PPID: variants seen among roughly 807,000 people sequenced by gnomAD.
The protein encoded by PPID is peptidylprolyl isomerase D.
Under a neutral mutation model 48.1 loss-of-function variants are expected in PPID, and 47 were observed. The ratio of observed to expected loss-of-function variants is 0.98; its 90% CI spans 0.77 to 1.25. PPID has a LOEUF of 1.25. Ranked by LOEUF, PPID falls within the 50% of genes most tolerant of loss-of-function variation. The pLI, the probability that PPID is intolerant of heterozygous loss-of-function variation, is 0.00. For synonymous variants in PPID, 163 were observed against 148.8 expected (o/e 1.10, Z -0.69); for missense variants, 429 against 443.5 (o/e 0.97, Z 0.29).
intron 9 of PPID, chr4:158,710,190 A>C (rs1254472009): frequency 3.0e-6 from 1 of 331,876 alleles, no homozygotes; most frequent in African/African-American, 2.2e-5. Flanking sequence ...ATAGTTTCCT[A>C]AAACATATAA....
At chr4:158,721,511 T>C (rs772254647) in intron 1 of PPID, 28 bp from the exon 2 acceptor site, 19 of 1,606,886 alleles carry the variant, frequency 1.2e-5, no homozygotes, top group Admixed American at 8.4e-5. Context: ...CTTGTCAGTA[T>C]GCAAAACAAC....
intron 6 of PPID, 98 bp from the exon 7 acceptor site, chr4:158,713,358 G>T: frequency 8.5e-7 from 1 of 1,174,500 alleles, no homozygotes; most frequent in Non-Finnish European, 1.1e-6. Flanking sequence ...GATATAAAAA[G>T]CTCTAAAAAT....
intron 7 of PPID, among the ~76,000 whole-genome samples, chr4:158,712,468 C>A (rs1290968552): frequency 6.6e-6 from 1 of 152,108 alleles, no homozygotes; most frequent in African/African-American, 2.4e-5. Flanking sequence ...TTATATAACT[C>A]TCTATAACTA....
At chr4:158,712,992 C>T in intron 7 of PPID, 127 bp downstream of exon 7, 1 of 993,660 alleles carries the variant, frequency 1.0e-6, no homozygotes, top group Non-Finnish European at 1.5e-6. Flanking sequence ...TATTTAGAAA[C>T]AAAATGTTTT....
chr4:158,712,348 C>A (rs898339309), intron 7 of PPID, among the ~76,000 whole-genome samples: 3 of 152,282 alleles, frequency 2.0e-5, no homozygotes, highest in Non-Finnish European at 2.9e-5. Flanking sequence ...CCCTCCTATC[C>A]TGAATCACTT....
Position 158,717,150 on chromosome 4 carries a change from G to GGGCCGGGCGCGGTGGCTCACGCC in PPID, c.383_384insGGCGTGAGCCACCGCGCCCGGCC (p.Asn128LysfsTer3), listed in dbSNP as rs1774885646. On this transcript the variant is annotated stop_gained and frameshift_variant, in exon 4 of 10. Coordinates refer to ENST00000307720, the MANE Select transcript of PPID (RefSeq NM_005038.3). LOFTEE classifies it high-confidence loss of function. ...CTGTTGTGATAAAAAACTGAGAACCGTTTGTGTTGCGGCCTGCATTTGCCA... is the reference window on the plus strand; with the variant it reads ...CTGTTGTGATAAAAAACTGAGAACCGGGCCGGGCGCGGTGGCTCACGCCTTTGTGTTGCGGCCTGCATTTGCCA... The GGGCCGGGCGCGGTGGCTCACGCC allele has an allele frequency of 6.2e-7, 1 of 1,613,934 alleles. No individual in the cohort carries two copies. Among genetic ancestry groups the GGGCCGGGCGCGGTGGCTCACGCC allele is most frequent in the Non-Finnish European group, 8.5e-7 (1 of 1,179,998 alleles).
rs1248599963 is a variant in PPID, at chr4:158,709,658, A to G, written c.*78T>C. Reference sequence around the variant, plus strand: ...TGTCAAAAGAAACACATTAGGGATCATATTCATAGACAAAAACCTTTACAT... The same window carrying G: ...TGTCAAAAGAAACACATTAGGGATCGTATTCATAGACAAAAACCTTTACAT... On this transcript the variant is annotated 3_prime_UTR_variant, in exon 10 of 10. Coordinates refer to ENST00000307720, the MANE Select transcript of PPID (RefSeq NM_005038.3). 1.5e-5 allele frequency: 16 copies of G among 1,079,364 alleles called. No homozygotes were observed. Among genetic ancestry groups the G allele is most frequent in the Admixed American group, 2.1e-5 (1 of 47,922 alleles). The allele number at this position is 1,079,364 out of a possible 1,614,324, so 66.9% of individuals were successfully genotyped here. A position where few individuals can be genotyped will look rare whatever the true frequency, so the allele number is the denominator to read the frequency against.
At chr4:158,710,409 A>G in intron 9 of PPID, 8 of 601,290 alleles carry the variant, frequency 1.3e-5, no homozygotes, top group Non-Finnish European at 2.4e-5. Context: ...ATAACGTGAA[A>G]AACTACTATA....
At chr4:158,721,026 T>C (rs1774950868) in intron 2 of PPID, among the ~76,000 whole-genome samples, 1 of 152,220 alleles carries the variant, frequency 6.6e-6, no homozygotes, top group African/African-American at 2.4e-5. Context: ...TGCATAACTT[T>C]TTTGTCACCA....
Position 158,715,634 on chromosome 4 carries a change from T to TCC in PPID, c.571_572dup (p.Ile192GlufsTer21). 6 of 1,611,006 alleles carry TCC rather than the reference T, an allele frequency of 3.7e-6. No individual in the cohort carries two copies. Among genetic ancestry groups the TCC allele is most frequent in the Non-Finnish European group, 5.1e-6 (6 of 1,177,156 alleles). On this transcript the variant is annotated frameshift_variant, in exon 5 of 10. Transcript: ENST00000307720. LOFTEE classifies it high-confidence loss of function. ...CGCCAGAGCCATCTTTTGGGAATAT[T>TCC]CCCCCGTCATCTCCTTCCTTCAATT...
At chr4:158,711,799 T>G (rs868772529) in intron 7 of PPID, among the ~76,000 whole-genome samples, 1 of 151,932 alleles carries the variant, frequency 6.6e-6, no homozygotes, top group African/African-American at 2.4e-5. Flanking sequence ...AAAACCCATC[T>G]CTACAAAAAA....
At position 158,719,276 on chromosome 4, in the gene PPID, T is replaced by C. The variant is rs2230221; in HGVS notation, c.237A>G (p.Lys79=). Residue 79 remains lysine (K), a synonymous_variant, in exon 3 of 10, where the codon AAA becomes AAG. Coordinates refer to ENST00000307720, the MANE Select transcript of PPID (RefSeq NM_005038.3). ...AGAAGTCTCCACCCTGAATCATAAA[T>C]TTCTTAATAACTACAAAAAAGGAAA... ...KGCPFHRIIK[K]FMIQGGDFSN... is the part of the protein sequence containing the mutation. 0.035 allele frequency: 55,416 copies of C among 1,602,474 alleles called. 1,359 individuals are homozygous for C. The highest frequency in any genetic ancestry group is 0.12 in the African/African-American group (9,286 of 74,666).
intron 6 of PPID, among the ~76,000 whole-genome samples, chr4:158,713,695 A>G (rs1307796970): frequency 6.6e-6 from 1 of 152,184 alleles, no homozygotes; most frequent in African/African-American, 2.4e-5. Flanking sequence ...TTTGGTTTCT[A>G]AAGTTTTCTT....
chr4:158,719,291 A>G lies in PPID; in HGVS notation c.227-5T>C, dbSNP rs1355858416. On this transcript the variant is annotated splice_polypyrimidine_tract_variant and splice_region_variant and intron_variant, in intron 2 of 9. Coordinates refer to ENST00000307720, the MANE Select transcript of PPID (RefSeq NM_005038.3). ...GAATCATAAATTTCTTAATAACTAC[A>G]AAAAAGGAAAATGGCTATTAGTGAC... is the stretch of plus-strand genomic sequence containing the variant. The G allele has an allele frequency of 3.2e-6, 5 of 1,559,710 alleles. No individual in the cohort carries two copies. Among genetic ancestry groups the G allele is most frequent in the Admixed American group, 1.7e-5 (1 of 59,744 alleles).
intron 1 of PPID, 67 bp downstream of exon 1, chr4:158,723,137 G>T: frequency 6.8e-7 from 1 of 1,475,160 alleles, no homozygotes. Context: ...TCCGCCCTTG[G>T]AATCCCCCAA....
intron 1 of PPID, 59 bp from the exon 2 acceptor site, chr4:158,721,542 A>G (rs923908630): frequency 6.4e-7 from 1 of 1,560,092 alleles, no homozygotes; most frequent in Non-Finnish European, 8.7e-7. Flanking sequence ...AATGATAAAA[A>G]GAAGGTTGGT....
In PPID at chr4:158,717,080, C is replaced by T; in HGVS notation, c.454G>A (p.Val152Ile). 1 of 1,614,160 alleles carries T rather than the reference C, an allele frequency of 6.2e-7. No individual in the cohort carries two copies. The highest frequency in any genetic ancestry group is 8.5e-7 in the Non-Finnish European group (1 of 1,179,986). Residue 152 changes from valine (V) to isoleucine (I), a missense_variant, in exon 4 of 10, where the codon GTA (valine) becomes ATA (isoleucine). Val to Ile is a conservative substitution (Grantham distance 29). Transcript: ENST00000307720. ...LDGKHVVFGQ[V>I]IKGIGVARIL... is the part of the protein sequence containing the mutation. The stretch of plus-strand genomic sequence containing the variant: ...CTTGCCACTCCTATTCCTTTAATTA[C>T]TTGGCCAAACACCACATGTTTCCCA...
At chr4:158,719,398 T>A (rs2126337945) in intron 2 of PPID, 112 bp from the exon 3 acceptor site, 3 of 703,268 alleles carry the variant, frequency 4.3e-6, no homozygotes, top group African/African-American at 1.8e-5. Context: ...TAGTCATGTC[T>A]CTCTCCTGTT....
intron 7 of PPID, among the ~76,000 whole-genome samples, chr4:158,711,425 T>A (rs577509354): frequency 1.1e-4 from 16 of 151,498 alleles, no homozygotes; most frequent in Admixed American, 7.9e-4. Flanking sequence ...GGTTTCACCA[T>A]GTTGCCCAGG....
Sources: gnomAD v4.1 joint callset for allele counts (sites outside exome capture counted in the v4.1 genomes callset) on GRCh38, gnomAD v4.1.1 for gene constraint, MANE v1.5 for transcripts, NCBI Gene and HGNC (gene_info 2026-07-23, HGNC 2026-07-21) for gene names.